PLAAT3: variants seen among roughly 807,000 people sequenced by gnomAD.
The protein encoded by PLAAT3 is phospholipase A and acyltransferase 3.
In PLAAT3, 21 loss-of-function variants were observed where a neutral mutation model predicts 16.7. The observed-to-expected ratio is 1.26, with a 90% CI of 0.89 to 1.81. The LOEUF (loss-of-function observed/expected upper bound fraction) is 1.81. Ranked by LOEUF, PLAAT3 falls within the 40% of genes most tolerant of loss-of-function variation. PLAAT3 has a pLI of 0.00. For synonymous variants in PLAAT3, 76 were observed against 81.7 expected (o/e 0.93, Z 0.38); for missense variants, 219 against 213.7 (o/e 1.02, Z -0.16).
At chr11:63,598,809 T>C (rs1244249905) in intron 2 of PLAAT3, 6 of 475,524 alleles carry the variant, frequency 1.3e-5, no homozygotes, top group Non-Finnish European at 2.1e-5. Flanking sequence ...CCAGCAGTAA[T>C]GTCCCCCGGC....
rs1263736548 is a variant in PLAAT3 at position 63,614,116 on chromosome 11, T to C, written c.-54-48A>G. The C allele has an allele frequency of 3.3e-6, 5 of 1,534,336 alleles. No individual in the cohort carries two copies. The African/African-American group carries it at 6.8e-5, about 21-fold the overall frequency. ...TTATTGTCATTAACAGGAAACTGCG[T>C]CTCCAGACCCCACGGGACTGCGGCT... On this transcript the variant is annotated intron_variant, in intron 1 of 4. Transcript: ENST00000415826.
chr11:63,614,208 A>C, intron 1 of PLAAT3, 140 bp from the exon 2 acceptor site: 25 of 658,550 alleles, frequency 3.8e-5, no homozygotes, highest in Non-Finnish European at 6.1e-5. Context: ...CCCTTTAACA[A>C]CTTTCTCGCC....
chr11:63,606,666 A>T lies in PLAAT3; in HGVS notation c.15+7334T>A, dbSNP rs544647568. The stretch of plus-strand genomic sequence containing the variant: ...CCTGGAGGCCGGAGATGAGCCTTGC[A>T]GATGGCTAACACCTCCGGCAGGGGG... On this transcript the variant is annotated intron_variant, in intron 2 of 4. Coordinates refer to ENST00000415826, the MANE Select transcript of PLAAT3 (RefSeq NM_001128203.2). Among the ~76,000 whole-genome samples the T allele has an allele frequency of 1.3e-3, 198 of 152,316 alleles. 1 individual carries two copies. Among genetic ancestry groups the T allele is most frequent in the African/African-American group, 4.6e-3 (193 of 41,572 alleles).
intron 4 of PLAAT3, among the ~76,000 whole-genome samples, chr11:63,579,479 T>C (rs1590680605): frequency 6.6e-6 from 1 of 151,906 alleles, no homozygotes; most frequent in Admixed American, 6.6e-5. Flanking sequence ...AACCCAAATG[T>C]CCAATAATGA....
intron 4 of PLAAT3, among the ~76,000 whole-genome samples, chr11:63,580,515 G>A (rs898821199): frequency 3.9e-5 from 6 of 152,108 alleles, no homozygotes; most frequent in African/African-American, 9.7e-5. Flanking sequence ...TTAGCCAGGC[G>A]TGGTGGCACA....
chr11:63,587,938 G>A (rs1938026104), intron 4 of PLAAT3, among the ~76,000 whole-genome samples: 1 of 152,164 alleles, frequency 6.6e-6, no homozygotes, highest in South Asian at 2.1e-4. Flanking sequence ...ATGTGGCCGG[G>A]CACAGTGGCT....
chr11:63,585,010 T>A (rs556091718), intron 4 of PLAAT3, among the ~76,000 whole-genome samples: 1 of 151,638 alleles, frequency 6.6e-6, no homozygotes, highest in Admixed American at 6.6e-5. Context: ...TCTAGCAAGA[T>A]GGGGCATGCA....
At chr11:63,584,059 A>G (rs1937894738) in intron 4 of PLAAT3, among the ~76,000 whole-genome samples, 1 of 152,242 alleles carries the variant, frequency 6.6e-6, no homozygotes, top group Non-Finnish European at 1.5e-5. Context: ...AAATAGTTGT[A>G]TATTTTCCAA....
In PLAAT3 at chr11:63,590,301, C is replaced by T. The variant is rs781539058; in HGVS notation, c.186G>A (p.Lys62=). 1.2e-6 allele frequency: 2 copies of T among 1,614,192 alleles called. No homozygotes were observed. Among genetic ancestry groups the T allele is most frequent in the Admixed American group, 3.3e-5 (2 of 60,028 alleles). ...SALTDKAIVK[K]ELLYDVAGSD... ...TCCCGGCCACATCATACAGCAATTC[C>T]TTCTTCACGATGGCCTTGTCAGTCA... Residue 62 remains lysine (K), a synonymous_variant, in exon 4 of 5, where the codon AAG becomes AAA. Transcript: ENST00000415826.
At chr11:63,600,492 A>G (rs1356453555) in intron 2 of PLAAT3, among the ~76,000 whole-genome samples, 4 of 152,212 alleles carry the variant, frequency 2.6e-5, no homozygotes, top group African/African-American at 9.7e-5. Flanking sequence ...TGATTGTCAC[A>G]GGGGTTGAGG....
chr11:63,609,485 C>A (rs1938641845), intron 2 of PLAAT3, among the ~76,000 whole-genome samples: 1 of 152,200 alleles, frequency 6.6e-6, no homozygotes, highest in Non-Finnish European at 1.5e-5. Context: ...GGGCTAAGAC[C>A]CATCTGGCAG....
At chr11:63,604,263 G>A (rs911702857) in intron 2 of PLAAT3, among the ~76,000 whole-genome samples, 2 of 152,080 alleles carry the variant, frequency 1.3e-5, no homozygotes, top group Non-Finnish European at 2.9e-5. Context: ...TTGGGATTCA[G>A]AACTTTTATA....
chr11:63,600,234 C>T (rs1006965777), intron 2 of PLAAT3, among the ~76,000 whole-genome samples: 6 of 152,226 alleles, frequency 3.9e-5, no homozygotes, highest in Admixed American at 1.3e-4. Context: ...CCTCCCACTT[C>T]GGCCTCCCAA....
At chr11:63,583,401 T>C (rs1937878153) in intron 4 of PLAAT3, among the ~76,000 whole-genome samples, 1 of 152,226 alleles carries the variant, frequency 6.6e-6, no homozygotes, top group African/African-American at 2.4e-5. Flanking sequence ...TCCCTAGTTC[T>C]TTATAGAACC....
intron 3 of PLAAT3, among the ~76,000 whole-genome samples, chr11:63,592,262 G>T (rs186894797): frequency 1.1e-4 from 16 of 151,972 alleles, no homozygotes; most frequent in African/African-American, 3.9e-4. Flanking sequence ...CTCCTCCTCA[G>T]TTCAAGCGAT....
intron 4 of PLAAT3, among the ~76,000 whole-genome samples, chr11:63,584,499 T>C (rs909590222): frequency 3.7e-5 from 3 of 80,000 alleles, no homozygotes; most frequent in African/African-American, 1.8e-4. Flanking sequence ...ATCATAAACT[T>C]TTTTTTTTGT....
At chr11:63,601,738 G>A (rs1938435995) in intron 2 of PLAAT3, among the ~76,000 whole-genome samples, 1 of 152,224 alleles carries the variant, frequency 6.6e-6, no homozygotes, top group African/African-American at 2.4e-5. Flanking sequence ...CACTTTGGGA[G>A]GCCAAGGTGG....
chr11:63,587,403 C>T (rs1938009401), intron 4 of PLAAT3, among the ~76,000 whole-genome samples: 1 of 151,504 alleles, frequency 6.6e-6, no homozygotes, highest in Admixed American at 6.6e-5. Context: ...AGCTAGATGA[C>T]AATAAACCAA....
intron 4 of PLAAT3, among the ~76,000 whole-genome samples, chr11:63,581,756 T>C (rs562360166): frequency 6.6e-6 from 1 of 152,316 alleles, no homozygotes; most frequent in Admixed American, 6.5e-5. Flanking sequence ...GTCCTACCAA[T>C]ATGTGATGGC....
Sources: gnomAD v4.1 joint callset for allele counts (sites outside exome capture counted in the v4.1 genomes callset) on GRCh38, gnomAD v4.1.1 for gene constraint, MANE v1.5 for transcripts, NCBI Gene and HGNC (gene_info 2026-07-23, HGNC 2026-07-21) for gene names.